Variants in SMG6 observed in about 807,000 individuals in gnomAD.
SMG6 encodes the protein SMG6 nonsense mediated mRNA decay factor.
Under a neutral mutation model 142.2 loss-of-function variants are expected in SMG6, and 66 were observed. That is an observed-to-expected ratio of 0.46 (90% CI 0.38 to 0.57). SMG6 has a LOEUF of 0.57. Among genes scored for constraint, SMG6 ranks in the 20% least tolerant of loss-of-function variants. SMG6 has a pLI of 0.00. For synonymous variants in SMG6, 779 were observed against 702.4 expected (o/e 1.11, Z -1.72); for missense variants, 1,793 against 1,832.0 (o/e 0.98, Z 0.39).
chr17:2,112,145 G>T (rs1046277265), intron 13 of SMG6, among the ~76,000 whole-genome samples: 9 of 151,852 alleles, frequency 5.9e-5, no homozygotes, highest in Non-Finnish European at 1.3e-4. Context: ...GGAAAAGGAG[G>T]TATCTTTACA....
In SMG6 at chr17:2,090,182, C is replaced by CA. The variant is rs71150849; in HGVS notation, c.3358-4282dup. 9.1e-3 allele frequency among the ~76,000 whole-genome samples: 881 copies of CA among 96,490 alleles called. 6 individuals carry two copies. The highest frequency in any genetic ancestry group is 0.014 in the Non-Finnish European group (683 of 49,654). 63.3% of individuals were successfully genotyped at this position (96,490 alleles called of 152,430 possible). ...CAGGCAACAAGGCGAGACTCTGTCT[C>CA]AAAAAAAAAAAAAAAAAAAAGGAAA... On this transcript the variant is annotated intron_variant, in intron 13 of 18. Coordinates refer to ENST00000263073, the MANE Select transcript of SMG6 (RefSeq NM_017575.5).
At chr17:2,065,347 G>T in intron 17 of SMG6, 121 bp downstream of exon 17, 1 of 1,053,046 alleles carries the variant, frequency 9.5e-7, no homozygotes, top group Non-Finnish European at 1.4e-6. Flanking sequence ...CCCCCACCTG[G>T]GCCTCCATGG....
At chr17:2,165,785 G>C (rs1210419597) in intron 13 of SMG6, among the ~76,000 whole-genome samples, 1 of 152,098 alleles carries the variant, frequency 6.6e-6, no homozygotes, top group Non-Finnish European at 1.5e-5. Context: ...CTTGCCTGTA[G>C]TCCCAGCTAC....
Position 2,299,842 on chromosome 17 carries a change from A to G in SMG6, c.911T>C (p.Leu304Ser), listed in dbSNP as rs1475396110. The G allele has an allele frequency of 1.2e-6, 2 of 1,613,974 alleles. No homozygotes were observed. The highest frequency in any genetic ancestry group is 1.7e-5 in the Admixed American group (1 of 60,006). Reference protein sequence around the residue: ...KQVSVSSTDSLDEDRIDEPDG... With the variant: ...KQVSVSSTDSSDEDRIDEPDG... Reference sequence around the variant, plus strand: ...AGGCTCATCAATTCTGTCCTCGTCTAAGGAATCGGTTGAGGACACAGACAC... The same window carrying G: ...AGGCTCATCAATTCTGTCCTCGTCTGAGGAATCGGTTGAGGACACAGACAC... Residue 304 changes from leucine to serine, a missense_variant, in exon 2 of 19, where the codon TTA becomes TCA. Leu to Ser is a moderately radical substitution (Grantham distance 145). Coordinates refer to ENST00000263073, the MANE Select transcript of SMG6 (RefSeq NM_017575.5). This position sits in a 1 kb window ranked among gnomAD's most constrained non-coding sequence, Gnocchi z 4.3.
intron 8 of SMG6, among the ~76,000 whole-genome samples, chr17:2,260,252 C>T (rs982771193): frequency 6.6e-6 from 1 of 152,216 alleles, no homozygotes; most frequent in African/African-American, 2.4e-5. Flanking sequence ...ACACGCATTG[C>T]AGATCTTCTG....
intron 13 of SMG6, among the ~76,000 whole-genome samples, chr17:2,098,161 C>A (rs1392248989): frequency 3.3e-5 from 5 of 152,050 alleles, no homozygotes; most frequent in Non-Finnish European, 7.4e-5. Flanking sequence ...GCTGTGTGTT[C>A]TGTAGAGACG....
intron 8 of SMG6, among the ~76,000 whole-genome samples, chr17:2,277,420 C>T (rs959527666): frequency 2.6e-5 from 4 of 152,052 alleles, no homozygotes; most frequent in Non-Finnish European, 5.9e-5. Flanking sequence ...CCCGCGTTGG[C>T]CTCCTAAAGA....
chr17:2,258,856 G>T (rs2074252017), intron 8 of SMG6, among the ~76,000 whole-genome samples: 1 of 150,694 alleles, frequency 6.6e-6, no homozygotes, highest in African/African-American at 2.4e-5. Context: ...AGCATGTTGG[G>T]GGGCCGAGGT....
chr17:2,081,693 C>T, intron 15 of SMG6, 117 bp downstream of exon 15: 2 of 1,214,618 alleles, frequency 1.6e-6, no homozygotes, highest in Admixed American at 4.0e-5. Context: ...CTAGAGAGAA[C>T]ACTGCAGGAC....
At position 2,186,654 on chromosome 17, in the gene SMG6, T is replaced by C; in HGVS notation, c.3155+9A>G. The C allele has an allele frequency of 6.2e-7, 1 of 1,613,998 alleles. No individual in the cohort carries two copies. The highest frequency in any genetic ancestry group is 8.5e-7 in the Non-Finnish European group (1 of 1,179,910). The stretch of plus-strand genomic sequence containing the variant: ...CAGTGGTGCTGAAGCAATGGGCAGG[T>C]CAACTCACTGCGAGGGCAGATCCAG... On this transcript the variant is annotated intron_variant, in intron 12 of 18. Transcript: ENST00000263073.
At position 2,070,918 on chromosome 17, in the gene SMG6, G is replaced by T. The variant is rs116389472; in HGVS notation, c.3682-1987C>A. Among the ~76,000 whole-genome samples, 1,163 of 152,320 alleles carry T rather than the reference G, an allele frequency of 7.6e-3. 19 individuals carry two copies. The highest frequency in any genetic ancestry group is 0.026 in the African/African-American group (1,101 of 41,556). On this transcript the variant is annotated intron_variant, in intron 15 of 18. Transcript: ENST00000263073. Reference sequence around the variant, plus strand: ...AAGAACAGGAAATGGTCCCTGCTCAGGTTCAGTAAACCCCTCTGCCCTTTC... The same window carrying T: ...AAGAACAGGAAATGGTCCCTGCTCATGTTCAGTAAACCCCTCTGCCCTTTC...
intron 13 of SMG6, among the ~76,000 whole-genome samples, chr17:2,134,221 C>T (rs889444214): frequency 2.6e-5 from 4 of 151,606 alleles, no homozygotes; most frequent in Admixed American, 6.6e-5. Context: ...AGTTCGAGAC[C>T]AGCCTGTCCA....
chr17:2,123,941 A>G (rs1266428663), intron 13 of SMG6, among the ~76,000 whole-genome samples: 1 of 152,228 alleles, frequency 6.6e-6, no homozygotes, highest in Non-Finnish European at 1.5e-5. Context: ...ACACTGCCCC[A>G]GCAATCCAAC....
At chr17:2,080,720 C>T (rs1488481187) in intron 15 of SMG6, among the ~76,000 whole-genome samples, 1 of 151,890 alleles carries the variant, frequency 6.6e-6, no homozygotes, top group Middle Eastern at 3.2e-3. Flanking sequence ...ACTGCAACCT[C>T]CGCCTCCCGG....
intron 9 of SMG6, among the ~76,000 whole-genome samples, chr17:2,242,720 ATAAG>A (rs1162994638): frequency 6.7e-6 from 1 of 148,352 alleles, no homozygotes; most frequent in African/African-American, 2.5e-5. Context: ...AAAAAAAAGA[ATAAG>A]AAAGAAGCAG....
chr17:2,087,237 A>G (rs2068588874), intron 13 of SMG6: 5 of 1,289,032 alleles, frequency 3.9e-6, no homozygotes, highest in Non-Finnish European at 1.0e-6. Flanking sequence ...AAAGACGGAC[A>G]GCCCAGGGAA....
At chr17:2,092,793 T>G (rs186582978) in intron 13 of SMG6, among the ~76,000 whole-genome samples, 159 of 152,362 alleles carry the variant, frequency 1.0e-3, no homozygotes, top group African/African-American at 3.7e-3. Context: ...GCTTCATAGT[T>G]ACACAGACGT....
At chr17:2,167,392 T>C (rs1293028191) in intron 13 of SMG6, among the ~76,000 whole-genome samples, 1 of 152,016 alleles carries the variant, frequency 6.6e-6, no homozygotes, top group Non-Finnish European at 1.5e-5. Flanking sequence ...GGACAAAGAA[T>C]GGAGATCTAA....
chr17:2,205,910 G>C (rs1188163035), intron 10 of SMG6, among the ~76,000 whole-genome samples: 1 of 152,150 alleles, frequency 6.6e-6, no homozygotes, highest in African/African-American at 2.4e-5. Flanking sequence ...CCGAGCTCAA[G>C]CAATTCCCGT....
Sources: allele counts gnomAD v4.1 joint callset (sites outside exome capture counted in the v4.1 genomes callset), GRCh38; gene constraint gnomAD v4.1.1; non-coding constraint Gnocchi (gnomAD v3.1); transcripts MANE v1.5; gene names NCBI Gene and HGNC (gene_info 2026-07-23, HGNC 2026-07-21).